The following REEP3 variants were observed in gnomAD, a reference collection of about 807,000 sequenced individuals.
REEP3 encodes the protein receptor expression-enhancing protein 3.
REEP3 carries 20 observed loss-of-function variants against 41.3 expected under a neutral mutation model. That is an observed-to-expected ratio of 0.48 (90% CI 0.34 to 0.70). The LOEUF is 0.70. Ranked by LOEUF, REEP3 falls within the 30% of genes least tolerant of loss-of-function variation. The pLI, the probability that REEP3 is intolerant of heterozygous loss-of-function variation, is 0.01. For missense variants in REEP3, 271 were observed against 308.8 expected (o/e 0.88, Z 0.92); for synonymous variants, 104 against 101.8 (o/e 1.02, Z -0.13).
chr10:63,599,746 T>C (rs1167444267), intron 5 of REEP3: 1 of 959,214 alleles, frequency 1.0e-6, no homozygotes, highest in Non-Finnish European at 1.2e-6. Flanking sequence ...CATGAAAAAG[T>C]CTGTTCTTAA....
At position 63,526,193 on chromosome 10, in the gene REEP3, T is replaced by C. The variant is rs1462839170; in HGVS notation, c.32+4616T>C. 2.6e-5 allele frequency among the ~76,000 whole-genome samples: 4 copies of C among 152,208 alleles called. No individual in the cohort carries two copies. The South Asian group carries it at 8.3e-4, about 31-fold the overall frequency. ...TCTTTATTATATTGTAAGCATCTTCTATGTTGCTCTGAAATCTTATAAGCA... is the reference window on the plus strand; with the variant it reads ...TCTTTATTATATTGTAAGCATCTTCCATGTTGCTCTGAAATCTTATAAGCA... On this transcript the variant is annotated intron_variant, in intron 1 of 7. Transcript: ENST00000373758.
Position 63,609,520 on chromosome 10 carries a change from G to A in REEP3, c.418-667G>A, listed in dbSNP as rs532467498. ...CACATCTAAAATCTCAGCACTTTGG[G>A]AAGGCCAAGGCAGGCAGATCCCCTG... On this transcript the variant is annotated intron_variant, in intron 5 of 7. Transcript: ENST00000373758. Among the ~76,000 whole-genome samples, 8 of 151,904 alleles carry A rather than the reference G, an allele frequency of 5.3e-5. No individual in the cohort carries two copies. The South Asian group carries it at 1.2e-3, about 24-fold the overall frequency.
chr10:63,598,483 C>CAAAAA (rs59559921), intron 4 of REEP3, among the ~76,000 whole-genome samples: 1 of 65,844 alleles, frequency 1.5e-5, no homozygotes, highest in Non-Finnish European at 2.6e-5. Flanking sequence ...GACTCCATCT[C>CAAAAA]AAAAAAAAAA....
intron 6 of REEP3, among the ~76,000 whole-genome samples, chr10:63,616,672 C>T (rs1327600489): frequency 6.6e-6 from 1 of 152,124 alleles, no homozygotes; most frequent in Admixed American, 6.5e-5. Context: ...GAACTGTGCT[C>T]TTATGCTACA....
At chr10:63,572,044 T>C (rs1955857353) in intron 2 of REEP3, among the ~76,000 whole-genome samples, 2 of 152,136 alleles carry the variant, frequency 1.3e-5, no homozygotes. Flanking sequence ...ATAGATATTT[T>C]CCAAGAAGGA....
chr10:63,614,331 A>G (rs1956297537), intron 6 of REEP3, among the ~76,000 whole-genome samples: 1 of 152,278 alleles, frequency 6.6e-6, no homozygotes, highest in South Asian at 2.1e-4. Flanking sequence ...TGAAACAATC[A>G]TGGTCATTTA....
chr10:63,598,087 A>G lies in REEP3; in HGVS notation c.246A>G (p.Lys82=). The G allele has an allele frequency of 6.2e-7, 1 of 1,600,690 alleles. No homozygotes were observed. Among genetic ancestry groups the G allele is most frequent in the South Asian group, 1.1e-5 (1 of 90,780 alleles). ...TATGGCTGCTTTCTCCCTATACCAA[A>G]GGAGCAAGTTTAATATATAGAAAAT... ...FVIWLLSPYT[K]GASLIYRKFL... The change falls in exon 4 of 8, where the codon AAA becomes AAG. Residue 82 remains lysine, a synonymous_variant. Transcript: ENST00000373758.
intron 5 of REEP3, among the ~76,000 whole-genome samples, chr10:63,601,608 G>C (rs1425310566): frequency 2.0e-5 from 3 of 152,146 alleles, no homozygotes; most frequent in African/African-American, 7.2e-5. Flanking sequence ...TTTTCGTGCT[G>C]CACAGGGATG....
intron 2 of REEP3, among the ~76,000 whole-genome samples, chr10:63,570,982 G>A (rs953750678): frequency 6.6e-6 from 1 of 152,158 alleles, no homozygotes; most frequent in African/African-American, 2.4e-5. Context: ...GGGCATGGTG[G>A]TGTGTGCCTG....
chr10:63,606,615 C>A lies in REEP3; in HGVS notation c.418-3572C>A, dbSNP rs796738859. On this transcript the variant is annotated intron_variant, in intron 5 of 7. Transcript: ENST00000373758. ...TAAATTAAATAGAAGAAAATAGATACACAAAGCATTATTAATTTAAACAAA... is the reference window on the plus strand; with the variant it reads ...TAAATTAAATAGAAGAAAATAGATAAACAAAGCATTATTAATTTAAACAAA... 3.5e-4 allele frequency among the ~76,000 whole-genome samples: 53 copies of A among 152,202 alleles called. 1 individual carries two copies. Among genetic ancestry groups the A allele is most frequent in the African/African-American group, 1.2e-3 (50 of 41,550 alleles).
At chr10:63,615,081 G>A (rs1956302086) in intron 6 of REEP3, among the ~76,000 whole-genome samples, 1 of 151,606 alleles carries the variant, frequency 6.6e-6, no homozygotes, top group African/African-American at 2.4e-5. Flanking sequence ...AGATTGTAGG[G>A]AAAAAAAATA....
intron 2 of REEP3, among the ~76,000 whole-genome samples, chr10:63,575,826 CAG>C (rs1317509619): frequency 1.3e-5 from 2 of 152,152 alleles, no homozygotes; most frequent in Non-Finnish European, 2.9e-5. Context: ...CTCTGCCTCC[CAG>C]GTTCAAGCAA....
At chr10:63,574,790 T>G (rs1353086282) in intron 2 of REEP3, among the ~76,000 whole-genome samples, 1 of 151,936 alleles carries the variant, frequency 6.6e-6, no homozygotes, top group Non-Finnish European at 1.5e-5. Flanking sequence ...ATTACTTAAT[T>G]TCTTCATTTT....
chr10:63,533,710 C>CTTTTTTTTTTTTTTT lies in REEP3; in HGVS notation c.32+12134_32+12148dup, dbSNP rs71025187. Among the ~76,000 whole-genome samples the CTTTTTTTTTTTTTTT allele has an allele frequency of 1.7e-4, 17 of 101,062 alleles. 1 individual carries two copies. The highest frequency in any genetic ancestry group is 4.0e-4 in the South Asian group (1 of 2,518). 66.3% of individuals were successfully genotyped at this position (101,062 alleles called of 152,430 possible). A position where few individuals can be genotyped will look rare whatever the true frequency, so the allele number is the denominator to read the frequency against. ...GAAAGAGCCTTGGAAGTATGTAAAT[C>CTTTTTTTTTTTTTTT]TTTTTTTTTTTTTTTGAGACGGAGT... On this transcript the variant is annotated intron_variant, in intron 1 of 7. Transcript: ENST00000373758.
intron 1 of REEP3, among the ~76,000 whole-genome samples, chr10:63,553,491 A>G (rs542719197): frequency 3.4e-4 from 52 of 152,282 alleles, no homozygotes; most frequent in African/African-American, 1.2e-3. Context: ...AAAATATTAA[A>G]TTAACCTGGT....
At chr10:63,555,473 G>A (rs1955669591) in intron 1 of REEP3, among the ~76,000 whole-genome samples, 1 of 152,096 alleles carries the variant, frequency 6.6e-6, no homozygotes. Flanking sequence ...TGGCTGCCAT[G>A]GCAGAAAAAC....
At chr10:63,586,814 G>A (rs955045318) in intron 2 of REEP3, among the ~76,000 whole-genome samples, 6 of 152,114 alleles carry the variant, frequency 3.9e-5, no homozygotes, top group African/African-American at 1.4e-4. Context: ...TTAAAAGCAT[G>A]AGCCACGACA....
At chr10:63,617,455 AGTGGCAT>A in intron 6 of REEP3, among the ~76,000 whole-genome samples, 1 of 152,338 alleles carries the variant, frequency 6.6e-6, no homozygotes, top group East Asian at 1.9e-4. Context: ...GCTATAATGC[AGTGGCAT>A]GATCACAGCT....
In REEP3 at chr10:63,557,459, G is replaced by A. The variant is rs113315815; in HGVS notation, c.33-8879G>A. Among the ~76,000 whole-genome samples, 327 of 152,148 alleles carry A rather than the reference G, an allele frequency of 2.1e-3. 2 individuals are homozygous for A. Among genetic ancestry groups the A allele is most frequent in the Middle Eastern group, 0.017 (5 of 294 alleles). On this transcript the variant is annotated intron_variant, in intron 1 of 7. Coordinates refer to ENST00000373758, the MANE Select transcript of REEP3 (RefSeq NM_001001330.3). ...ATAAACTGTTTCCATGCTTATCTTT[G>A]GGAAATGCCACTGTTTCAAAATGGG...
Sources: allele counts gnomAD v4.1 joint callset (sites outside exome capture counted in the v4.1 genomes callset), GRCh38; gene constraint gnomAD v4.1.1; transcripts MANE v1.5; gene names NCBI Gene and HGNC (gene_info 2026-07-23, HGNC 2026-07-21).